SSH2: variants seen among roughly 807,000 people sequenced by gnomAD.
SSH2 encodes slingshot protein phosphatase 2.
In SSH2, 37 loss-of-function variants were observed where a neutral mutation model predicts 135.2. The observed-to-expected ratio is 0.27, with a 90% confidence interval of 0.21 to 0.36. The LOEUF is 0.36. SSH2 is among the 10% of genes least tolerant of loss of function. The probability of loss-of-function intolerance (pLI) is 1.00; values close to 1 mark genes in which losing one functional copy is unlikely to be tolerated. For synonymous variants in SSH2, 628 were observed against 646.2 expected (o/e 0.97, Z 0.43); for missense variants, 1,408 against 1,765.3 (o/e 0.80, Z 3.63).
At chr17:29,726,131 T>TC (rs960159727) in intron 3 of SSH2, among the ~76,000 whole-genome samples, 1 of 152,082 alleles carries the variant, frequency 6.6e-6, no homozygotes, top group Admixed American at 6.5e-5. Flanking sequence ...AACCGCCCTC[T>TC]CCAGAAGAGA....
intron 11 of SSH2, among the ~76,000 whole-genome samples, chr17:29,666,351 G>T (rs750503813): frequency 6.6e-5 from 10 of 151,974 alleles, no homozygotes; most frequent in Admixed American, 6.6e-4. Context: ...TCCAGGCTGG[G>T]CAACAGAGCG....
chr17:29,707,199 T>C (rs1160580159), intron 3 of SSH2: 3 of 152,128 alleles, frequency 2.0e-5, no homozygotes, highest in Non-Finnish European at 4.4e-5. Context: ...AGCAATACTG[T>C]TTTTTTATAG....
chr17:29,693,826 T>G (rs1166520305), intron 5 of SSH2, among the ~76,000 whole-genome samples: 1 of 152,170 alleles, frequency 6.6e-6, no homozygotes, highest in African/African-American at 2.4e-5. Flanking sequence ...CTAGCAGGCC[T>G]CCCTGATTTA....
At chr17:29,894,348 T>C (rs1254249071) in intron 1 of SSH2, among the ~76,000 whole-genome samples, 1 of 152,006 alleles carries the variant, frequency 6.6e-6, no homozygotes, top group Non-Finnish European at 1.5e-5. Context: ...TTGTTTTGTA[T>C]ATAGTCATCT....
At position 29,867,717 on chromosome 17, in the gene SSH2, G is replaced by A. The variant is rs543689676; in HGVS notation, c.64-18788C>T. On this transcript the variant is annotated intron_variant, in intron 1 of 15. Transcript: ENST00000540801. The stretch of plus-strand genomic sequence containing the variant: ...AAAGAAAGACAAGTGCAGAAAGATC[G>A]CTGTTACTTAGAATGCTGAGACTAC... Among the ~76,000 whole-genome samples, 9 of 152,288 alleles carry A rather than the reference G, an allele frequency of 5.9e-5. No individual in the cohort carries two copies. In the South Asian group the frequency reaches 1.0e-3, roughly 18 times the overall value.
chr17:29,863,077 TA>T (rs529483997), intron 1 of SSH2, among the ~76,000 whole-genome samples: 28 of 151,418 alleles, frequency 1.8e-4, no homozygotes, highest in South Asian at 8.4e-4. Context: ...GTTTTTTTTT[TA>T]AAAAAAAGGA....
At chr17:29,851,621 T>C (rs559536784) in intron 1 of SSH2, among the ~76,000 whole-genome samples, 132 of 151,538 alleles carry the variant, frequency 8.7e-4, no homozygotes, top group Middle Eastern at 3.4e-3. Flanking sequence ...ATAATAATAA[T>C]GATAAAAACT....
intron 2 of SSH2, among the ~76,000 whole-genome samples, chr17:29,814,604 G>T (rs2042521957): frequency 6.6e-6 from 1 of 151,854 alleles, no homozygotes; most frequent in Non-Finnish European, 1.5e-5. Flanking sequence ...TATCATCAAA[G>T]GTTTATGCAG....
At chr17:29,808,331 G>A (rs2042383687) in intron 2 of SSH2, among the ~76,000 whole-genome samples, 1 of 152,214 alleles carries the variant, frequency 6.6e-6, no homozygotes, top group South Asian at 2.1e-4. Flanking sequence ...GTTTCGCCAT[G>A]TTGGCCAGGC....
chr17:29,858,536 C>G (rs949081060), intron 1 of SSH2, among the ~76,000 whole-genome samples: 2 of 152,042 alleles, frequency 1.3e-5, no homozygotes, highest in African/African-American at 4.8e-5. Context: ...TGGGTAGGCC[C>G]TAATCCAATA....
intron 15 of SSH2, among the ~76,000 whole-genome samples, chr17:29,634,482 A>G (rs2035811481): frequency 6.6e-6 from 1 of 152,212 alleles, no homozygotes; most frequent in African/African-American, 2.4e-5. Flanking sequence ...GGCTTGTAAG[A>G]GCTCCTATGC....
At chr17:29,809,203 G>A (rs1424109383) in intron 2 of SSH2, among the ~76,000 whole-genome samples, 1 of 152,206 alleles carries the variant, frequency 6.6e-6, no homozygotes, top group Non-Finnish European at 1.5e-5. Flanking sequence ...GCAGTCAGCT[G>A]AGATTGCACC....
At position 29,929,749 on chromosome 17, in the gene SSH2, C is replaced by CA. The variant is rs956264722; in HGVS notation, c.63+188dup. The CA allele has an allele frequency of 4.9e-6, 3 of 608,422 alleles. No homozygotes were observed. The African/African-American group carries it at 5.7e-5, about 11-fold the overall frequency. The allele number at this position is 608,422 out of a possible 1,614,324, so 37.7% of individuals were successfully genotyped here. A position where few individuals can be genotyped will look rare whatever the true frequency, so the allele number is the denominator to read the frequency against. On this transcript the variant is annotated intron_variant, in intron 1 of 15. Transcript: ENST00000540801. ...AGCTAGGTGCTCAGGGTGATGGGGG[C>CA]AAAAATCAACGTCTTGTAGTTCCTG...
intron 3 of SSH2, among the ~76,000 whole-genome samples, chr17:29,747,239 ACTT>A (rs1238624002): frequency 6.6e-6 from 1 of 152,170 alleles, no homozygotes; most frequent in African/African-American, 2.4e-5. Context: ...AAATAATTCT[ACTT>A]CTTCTACCCT....
intron 1 of SSH2, among the ~76,000 whole-genome samples, chr17:29,899,672 A>T (rs2066510778): frequency 2.6e-5 from 4 of 152,232 alleles, no homozygotes; most frequent in Admixed American, 1.3e-4. Flanking sequence ...CATGGGTAGG[A>T]AGAATCAATA....
In SSH2 at chr17:29,874,468, T is replaced by C. The variant is rs114583800; in HGVS notation, c.64-25539A>G. ...TAAGGGAGAGACCAGGTGGACTTAA[T>C]TGAATCATGGGGGCAGTTTCCTGCA... On this transcript the variant is annotated intron_variant, in intron 1 of 15. Coordinates refer to ENST00000540801, the MANE Select transcript of SSH2 (RefSeq NM_001282129.2). Among the ~76,000 whole-genome samples, 1,344 of 152,312 alleles carry C rather than the reference T, an allele frequency of 8.8e-3. 16 individuals carry two copies. Among genetic ancestry groups the C allele is most frequent in the African/African-American group, 0.024 (1,001 of 41,562 alleles).
At chr17:29,754,934 T>C (rs2041066021) in intron 3 of SSH2, among the ~76,000 whole-genome samples, 1 of 152,198 alleles carries the variant, frequency 6.6e-6, no homozygotes, top group African/African-American at 2.4e-5. Flanking sequence ...ATTGAGATTA[T>C]AGGCGTGAGC....
At position 29,834,549 on chromosome 17, in the gene SSH2, G is replaced by C. The variant is rs75723215; in HGVS notation, c.144+14300C>G. 7.0e-3 allele frequency among the ~76,000 whole-genome samples: 1,069 copies of C among 152,140 alleles called. 9 individuals carry two copies. Among genetic ancestry groups the C allele is most frequent in the Non-Finnish European group, 0.012 (837 of 67,970 alleles). ...AGTCTTTTTCCCAACCTGTGGTTTT[G>C]ACTTTGTTTATAAGATCTTTTAATG... On this transcript the variant is annotated intron_variant, in intron 2 of 15. Coordinates refer to ENST00000540801, the MANE Select transcript of SSH2 (RefSeq NM_001282129.2).
rs2035582926 is a variant in SSH2 at position 29,629,232 on chromosome 17, G to C, written c.*1609C>G. ...GCAAAACGACAGCATCCTAAATGGA[G>C]TCACTGTGGGCACTTGCCCCTGGCT... On this transcript the variant is annotated 3_prime_UTR_variant, in exon 16 of 16. Coordinates refer to ENST00000540801, the MANE Select transcript of SSH2 (RefSeq NM_001282129.2). 1 of 152,696 alleles carries C rather than the reference G, an allele frequency of 6.5e-6. No individual in the cohort carries two copies. The highest frequency in any genetic ancestry group is 2.4e-5 in the African/African-American group (1 of 41,472). 9.5% of individuals were successfully genotyped at this position (152,696 alleles called of 1,614,324 possible). A position where few individuals can be genotyped will look rare whatever the true frequency, so the allele number is the denominator to read the frequency against.
Sources: allele counts gnomAD v4.1 joint callset (sites outside exome capture counted in the v4.1 genomes callset), GRCh38; gene constraint gnomAD v4.1.1; transcripts MANE v1.5; gene names NCBI Gene and HGNC (gene_info 2026-07-23, HGNC 2026-07-21).